PPM1E: variants seen among roughly 807,000 people sequenced by gnomAD.
PPM1E encodes protein phosphatase, Mg2+/Mn2+ dependent 1E.
PPM1E carries 20 observed loss-of-function variants against 65.9 expected under a neutral mutation model. The observed-to-expected ratio is 0.30, with a 90% CI of 0.21 to 0.44. The LOEUF is 0.44. Among genes scored for constraint, PPM1E ranks in the 20% least tolerant of loss-of-function variants. The pLI is 1.00. For missense variants in PPM1E, 713 were observed against 953.1 expected, an observed-to-expected ratio of 0.75 and a Z score of 3.32; for synonymous variants, 352 against 374.9, an observed-to-expected ratio of 0.94 and a Z score of 0.70.
At chr17:58,840,705 T>A (rs764189764) in intron 1 of PPM1E, among the ~76,000 whole-genome samples, 17 of 152,154 alleles carry the variant, frequency 1.1e-4, no homozygotes, top group Non-Finnish European at 2.1e-4. Context: ...TGGGAAAATT[T>A]AGAAATATTT....
chr17:58,809,456 G>A (rs578111987), intron 1 of PPM1E, among the ~76,000 whole-genome samples: 119 of 151,966 alleles, frequency 7.8e-4, no homozygotes, highest in Non-Finnish European at 1.2e-3. Context: ...GCAGTGGCGC[G>A]GCTTAACTGC....
intron 1 of PPM1E, among the ~76,000 whole-genome samples, chr17:58,908,513 C>T (rs567382066): frequency 9.9e-5 from 15 of 151,764 alleles, no homozygotes; most frequent in South Asian, 2.1e-4. Flanking sequence ...GATCTCGGCT[C>T]ACTGCAAACT....
chr17:58,938,101 T>C (rs2052010925), intron 1 of PPM1E, among the ~76,000 whole-genome samples: 1 of 152,204 alleles, frequency 6.6e-6, no homozygotes, highest in Admixed American at 6.5e-5. Context: ...CACTGGACTA[T>C]GTGAAAACCT....
At chr17:58,900,348 A>G (rs2051483119) in intron 1 of PPM1E, among the ~76,000 whole-genome samples, 1 of 152,120 alleles carries the variant, frequency 6.6e-6, no homozygotes, top group Non-Finnish European at 1.5e-5. Context: ...TACCGCAGTC[A>G]CTCCAACCTT....
chr17:58,958,979 A>G (rs1261918543), intron 2 of PPM1E, among the ~76,000 whole-genome samples: 2 of 152,086 alleles, frequency 1.3e-5, no homozygotes, highest in Non-Finnish European at 2.9e-5. Context: ...AGACTAAAAA[A>G]GGAAATGAGA....
At chr17:58,970,192 G>A (rs987521414) in intron 4 of PPM1E, among the ~76,000 whole-genome samples, 4 of 152,168 alleles carry the variant, frequency 2.6e-5, no homozygotes, top group Non-Finnish European at 4.4e-5. Context: ...GGGAAAATTC[G>A]CTTGGAGAGG....
chr17:58,806,761 G>A (rs1380505011), intron 1 of PPM1E, among the ~76,000 whole-genome samples: 3 of 148,418 alleles, frequency 2.0e-5, no homozygotes, highest in African/African-American at 2.5e-5. Flanking sequence ...GTGTAGTGGC[G>A]CCATCTCGGC....
intron 1 of PPM1E, among the ~76,000 whole-genome samples, chr17:58,855,666 A>T (rs1284507659): frequency 2.6e-5 from 4 of 152,228 alleles, no homozygotes; most frequent in African/African-American, 9.6e-5. Context: ...GGACCTACTT[A>T]TAAGTTAGGA....
chr17:58,854,325 G>C (rs2050858947), intron 1 of PPM1E, among the ~76,000 whole-genome samples: 2 of 152,142 alleles, frequency 1.3e-5, no homozygotes, highest in Middle Eastern at 3.4e-3. Flanking sequence ...AATCTTTAGG[G>C]TTTTCTACAT....
At chr17:58,814,908 A>G (rs995018997) in intron 1 of PPM1E, among the ~76,000 whole-genome samples, 6 of 152,214 alleles carry the variant, frequency 3.9e-5, no homozygotes, top group African/African-American at 1.4e-4. Flanking sequence ...TGAATGGTGA[A>G]CCCTTTAGTT....
In PPM1E at chr17:58,981,053, C is replaced by T. The variant is rs765101584; in HGVS notation, c.*22C>T. On this transcript the variant is annotated 3_prime_UTR_variant, in exon 7 of 7. Coordinates refer to ENST00000308249, the MANE Select transcript of PPM1E (RefSeq NM_014906.5). ...ATAATTTTTCTTTCAAGTAGGTTAGCTAGCTCTCCCCCAATAAAAATACCA... is the reference window on the plus strand; with the variant it reads ...ATAATTTTTCTTTCAAGTAGGTTAGTTAGCTCTCCCCCAATAAAAATACCA... The T allele has an allele frequency of 1.3e-6, 2 of 1,498,492 alleles. No individual in the cohort carries two copies. The highest frequency in any genetic ancestry group is 1.8e-6 in the Non-Finnish European group (2 of 1,105,824). The allele number at this position is 1,498,492 out of a possible 1,614,324, so 92.8% of individuals were successfully genotyped here. A position where few individuals can be genotyped will look rare whatever the true frequency, so the allele number is the denominator to read the frequency against.
chr17:58,869,095 G>A (rs1182486013), intron 1 of PPM1E, among the ~76,000 whole-genome samples: 2 of 152,178 alleles, frequency 1.3e-5, no homozygotes, highest in South Asian at 2.1e-4. Flanking sequence ...ACTTGAACCC[G>A]GGAGGCAGAG....
chr17:58,824,984 G>A (rs2050518731), intron 1 of PPM1E, among the ~76,000 whole-genome samples: 1 of 151,838 alleles, frequency 6.6e-6, no homozygotes, highest in Admixed American at 6.6e-5. Flanking sequence ...CTGATGCAAA[G>A]GCATAAGAAG....
At chr17:58,813,460 T>A (rs922153144) in intron 1 of PPM1E, among the ~76,000 whole-genome samples, 3 of 152,186 alleles carry the variant, frequency 2.0e-5, no homozygotes, top group Admixed American at 1.3e-4. Context: ...TATATCCAGA[T>A]TGCTCCTTAT....
intron 1 of PPM1E, among the ~76,000 whole-genome samples, chr17:58,895,072 CTTA>C (rs2051396005): frequency 6.6e-6 from 1 of 152,190 alleles, no homozygotes; most frequent in Middle Eastern, 3.4e-3. Context: ...TCCCAAACTT[CTTA>C]TTATTATTAT....
chr17:58,802,298 C>A (rs1298494108), intron 1 of PPM1E, among the ~76,000 whole-genome samples: 1 of 152,102 alleles, frequency 6.6e-6, no homozygotes, highest in African/African-American at 2.4e-5. Context: ...TATCCTTTCC[C>A]TGTTGTATCT....
chr17:58,954,373 T>C (rs1191193135), intron 1 of PPM1E, among the ~76,000 whole-genome samples: 1 of 152,244 alleles, frequency 6.6e-6, no homozygotes, highest in African/African-American at 2.4e-5. Flanking sequence ...TTAATTCATA[T>C]GTCTGACGAT....
At chr17:58,929,381 T>C (rs2051864551) in intron 1 of PPM1E, among the ~76,000 whole-genome samples, 1 of 152,300 alleles carries the variant, frequency 6.6e-6, no homozygotes, top group Middle Eastern at 3.4e-3. Context: ...TTGAGTTACA[T>C]AGGTAAATGC....
At chr17:58,809,264 T>A (rs776602431) in intron 1 of PPM1E, among the ~76,000 whole-genome samples, 63 of 152,004 alleles carry the variant, frequency 4.1e-4, no homozygotes, top group Admixed American at 2.2e-3. Context: ...TAAAAAAAAT[T>A]TTTTTAATGG....
Sources: gnomAD v4.1 joint callset for allele counts (sites outside exome capture counted in the v4.1 genomes callset) on GRCh38, gnomAD v4.1.1 for gene constraint, MANE v1.5 for transcripts, NCBI Gene and HGNC (gene_info 2026-07-23, HGNC 2026-07-21) for gene names.